EAF2: variants seen among roughly 807,000 people sequenced by gnomAD.
The protein encoded by EAF2 is ELL-associated factor 2.
Under a neutral mutation model 29.4 loss-of-function variants are expected in EAF2, and 29 were observed. The ratio of observed to expected loss-of-function variants is 0.99; its 90% CI spans 0.73 to 1.35. The LOEUF (loss-of-function observed/expected upper bound fraction) is 1.35, where lower values mean the gene tolerates loss of function less well. EAF2 is among the 40% of genes most tolerant of loss of function. EAF2 has a pLI of 0.00. For missense variants in EAF2, 292 were observed against 312.0 expected, an observed-to-expected ratio of 0.94 and a Z score of 0.48; for synonymous variants, 103 against 102.5, an observed-to-expected ratio of 1.00 and a Z score of -0.03.
chr3:121,844,283 A>ATT (rs540823462), intron 1 of EAF2, among the ~76,000 whole-genome samples, 170 bp from the exon 2 acceptor site: 1 of 152,190 alleles, frequency 6.6e-6, no homozygotes, highest in Non-Finnish European at 1.5e-5. Context: ...TGCATACAGA[A>ATT]ATAAATAAAC....
At chr3:121,884,163 C>A (rs375694833) in intron 5 of EAF2, among the ~76,000 whole-genome samples, 1 of 151,610 alleles carries the variant, frequency 6.6e-6, no homozygotes, top group African/African-American at 2.4e-5. Flanking sequence ...CATGGTGAAA[C>A]CCTGACTCTA....
rs546388476 is a variant in EAF2 at position 121,863,076 on chromosome 3, C to CT, written c.484+5922dup. The stretch of plus-strand genomic sequence containing the variant: ...CTGGAAGCTTCGTCTCAGAGGGGCA[C>CT]TTGGCTGTATGAGGTGTCAGTCAGC... On this transcript the variant is annotated intron_variant, in intron 4 of 5. Transcript: ENST00000273668. Among the ~76,000 whole-genome samples the CT allele has an allele frequency of 2.0e-3, 309 of 152,284 alleles. 1 individual carries two copies. The highest frequency in any genetic ancestry group is 8.3e-3 in the South Asian group (40 of 4,824).
intron 2 of EAF2, among the ~76,000 whole-genome samples, chr3:121,853,851 G>T (rs1417004305): frequency 6.6e-6 from 1 of 152,148 alleles, no homozygotes; most frequent in Non-Finnish European, 1.5e-5. Context: ...GGATGGCGCA[G>T]TGTACTTTCA....
At chr3:121,869,667 G>A (rs928449642) in intron 4 of EAF2, among the ~76,000 whole-genome samples, 2 of 151,934 alleles carry the variant, frequency 1.3e-5, no homozygotes, top group African/African-American at 4.8e-5. Flanking sequence ...GCTTGAGCCC[G>A]GGAGTTTGAG....
chr3:121,864,252 T>C (rs532331507), intron 4 of EAF2, among the ~76,000 whole-genome samples: 38 of 152,300 alleles, frequency 2.5e-4, no homozygotes, highest in Non-Finnish European at 5.1e-4. Flanking sequence ...TTCTTAAAAT[T>C]TTCACATAGC....
At chr3:121,874,713 C>T (rs978098480) in intron 5 of EAF2, among the ~76,000 whole-genome samples, 4 of 151,906 alleles carry the variant, frequency 2.6e-5, no homozygotes, top group Middle Eastern at 3.4e-3. Flanking sequence ...TAAAACATAG[C>T]ATAGTGAATT....
intron 4 of EAF2, among the ~76,000 whole-genome samples, chr3:121,862,436 A>C (rs537931304): frequency 4.6e-5 from 7 of 152,296 alleles, no homozygotes; most frequent in African/African-American, 1.7e-4. Context: ...TCAATCACTG[A>C]AACCCTTTCT....
intron 1 of EAF2, among the ~76,000 whole-genome samples, chr3:121,840,737 C>T (rs987641313): frequency 2.4e-5 from 3 of 123,384 alleles, no homozygotes; most frequent in African/African-American, 6.3e-5. Context: ...GACCCAGGAG[C>T]GGAAGTTGCA....
At chr3:121,858,490 TC>T (rs71133522) in intron 4 of EAF2, among the ~76,000 whole-genome samples, 1 of 152,266 alleles carries the variant, frequency 6.6e-6, no homozygotes, top group Non-Finnish European at 1.5e-5. Context: ...TCTGTTCATA[TC>T]CTTTGCCCAC....
chr3:121,840,853 T>C (rs1708408609), intron 1 of EAF2, among the ~76,000 whole-genome samples: 1 of 149,480 alleles, frequency 6.7e-6, no homozygotes, highest in African/African-American at 2.5e-5. Flanking sequence ...AGGTAGTTTA[T>C]GATAGGTTTT....
At position 121,857,052 on chromosome 3, in the gene EAF2, A is replaced by G. The variant is rs762574982; in HGVS notation, c.380A>G (p.Gln127Arg). 1.2e-6 allele frequency: 2 copies of G among 1,613,986 alleles called. No individual in the cohort carries two copies. Among genetic ancestry groups the G allele is most frequent in the Admixed American group, 3.3e-5 (2 of 59,982 alleles). ...SSKIQYRKEQQQQQMWNSART... is the reference protein window; with the variant it reads ...SSKIQYRKEQRQQQMWNSART... ...AAAATTCAGTATCGTAAAGAACAAC[A>G]GCAACAACAAATGTGGAATTCAGCC... Residue 127 changes from glutamine to arginine, a missense_variant, in exon 4 of 6, where the codon CAG becomes CGG. By Grantham distance (43) the Gln-to-Arg change is conservative. Transcript: ENST00000273668.
intron 4 of EAF2, among the ~76,000 whole-genome samples, chr3:121,859,636 T>A (rs1559823606): frequency 6.6e-6 from 1 of 152,200 alleles, no homozygotes; most frequent in Admixed American, 6.5e-5. Context: ...TTTGACTTCC[T>A]CTTTTCCCAA....
At position 121,844,544 on chromosome 3, in the gene EAF2, A is replaced by C. The variant is rs1559817728; in HGVS notation, c.198A>C (p.Ile66=). 6.3e-7 allele frequency: 1 copy of C among 1,584,534 alleles called. No individual in the cohort carries two copies. The highest frequency in any genetic ancestry group is 8.6e-7 in the Non-Finnish European group (1 of 1,157,826). The change falls in exon 2 of 6, where the codon ATA becomes ATC. Residue 66 remains isoleucine, a synonymous_variant. Coordinates refer to ENST00000273668, the MANE Select transcript of EAF2 (RefSeq NM_018456.6). The part of the protein sequence containing the change: ...GEQVTITLPN[I]EGSTPPVTVF... The stretch of plus-strand genomic sequence containing the variant: ...AGGTGACCATAACTCTGCCAAATAT[A>C]GAAGTGAGTATTTCTGTATCTTTAA...
chr3:121,872,244 T>A (rs1399619989), intron 4 of EAF2, among the ~76,000 whole-genome samples: 1 of 151,884 alleles, frequency 6.6e-6, no homozygotes, highest in Non-Finnish European at 1.5e-5. Context: ...TTTATAGTTT[T>A]TCACAGTATT....
chr3:121,878,158 A>G (rs1709132905), intron 5 of EAF2, among the ~76,000 whole-genome samples: 1 of 152,164 alleles, frequency 6.6e-6, no homozygotes, highest in African/African-American at 2.4e-5. Context: ...AACTAACAAA[A>G]TAGACCAATA....
chr3:121,859,380 C>A (rs1195016766), intron 4 of EAF2, among the ~76,000 whole-genome samples: 2 of 151,938 alleles, frequency 1.3e-5, no homozygotes, highest in Non-Finnish European at 2.9e-5. Context: ...TGAAGAGGTC[C>A]TTCACATCCC....
Position 121,844,454 on chromosome 3 carries a change from T to C in EAF2, c.108T>C (p.Tyr36=). The change falls in exon 2 of 6, where the codon TAT becomes TAC. Residue 36 remains tyrosine (Y), a splice_region_variant and synonymous_variant. Coordinates refer to ENST00000273668, the MANE Select transcript of EAF2 (RefSeq NM_018456.6). The part of the protein sequence containing the change: ...QPRCAFHTVR[Y]DFKPASIDTS... ...ATTGGTATTTGTATCTATTTTTAGA[T>C]GACTTCAAACCTGCTTCTATTGACA... is the stretch of plus-strand genomic sequence containing the variant. 1 of 1,593,892 alleles carries C rather than the reference T, an allele frequency of 6.3e-7. No homozygotes were observed. Among genetic ancestry groups the C allele is most frequent in the Middle Eastern group, 1.7e-4 (1 of 6,008 alleles).
intron 5 of EAF2, among the ~76,000 whole-genome samples, chr3:121,881,806 C>CA (rs1448090791): frequency 1.3e-5 from 2 of 152,074 alleles, no homozygotes; most frequent in African/African-American, 4.8e-5. Context: ...CCAATGCACC[C>CA]AGCCTTAATT....
chr3:121,849,960 C>A (rs1352081176), intron 2 of EAF2, among the ~76,000 whole-genome samples: 3 of 149,558 alleles, frequency 2.0e-5, no homozygotes, highest in African/African-American at 7.3e-5. Flanking sequence ...ATATATCAAC[C>A]TTTTTTTCTT....
Sources: gnomAD v4.1 joint callset for allele counts (sites outside exome capture counted in the v4.1 genomes callset) on GRCh38, gnomAD v4.1.1 for gene constraint, MANE v1.5 for transcripts, NCBI Gene and HGNC (gene_info 2026-07-23, HGNC 2026-07-21) for gene names.